Variants in KCNMA1 observed in about 807,000 individuals in gnomAD.
KCNMA1 encodes potassium calcium-activated channel subfamily M alpha 1, also known as Calcium-activated potassium channel subunit alpha-1.
A neutral mutation model predicts 140.0 loss-of-function variants in KCNMA1; 29 were observed. The observed-to-expected ratio is 0.21, with a 90% CI of 0.15 to 0.28. The LOEUF (loss-of-function observed/expected upper bound fraction) is 0.28, where lower values mean the gene tolerates loss of function less well. Ranked by LOEUF, KCNMA1 falls within the 10% of genes least tolerant of loss-of-function variation. The pLI is 1.00. For missense variants in KCNMA1, 880 were observed against 1,602.2 expected, an observed-to-expected ratio of 0.55 and a Z score of 7.70; for synonymous variants, 612 against 611.9, an observed-to-expected ratio of 1.00 and a Z score of 0.00.
chr10:76,981,543 G>A (rs949873561), intron 19 of KCNMA1, among the ~76,000 whole-genome samples: 2 of 151,950 alleles, frequency 1.3e-5, no homozygotes, highest in East Asian at 1.9e-4. Context: ...GGGATTGATC[G>A]GCGTGTGCAG....
intron 1 of KCNMA1, among the ~76,000 whole-genome samples, chr10:77,553,842 T>A (rs1309006658): frequency 3.6e-5 from 5 of 138,568 alleles, no homozygotes; most frequent in Non-Finnish European, 7.7e-5. Context: ...CATTGGCTAG[T>A]AAATGAGTAA....
intron 9 of KCNMA1, among the ~76,000 whole-genome samples, chr10:77,107,337 C>T (rs2097216824): frequency 6.6e-6 from 1 of 152,170 alleles, no homozygotes; most frequent in South Asian, 2.1e-4. Context: ...GTGTCCTGAT[C>T]CGGATGGTAG....
intron 1 of KCNMA1, among the ~76,000 whole-genome samples, chr10:77,604,082 C>T (rs2083561987): frequency 6.6e-6 from 1 of 152,252 alleles, no homozygotes; most frequent in Non-Finnish European, 1.5e-5. Flanking sequence ...TGGCAGCCTT[C>T]TCTTGATTCT....
intron 1 of KCNMA1, among the ~76,000 whole-genome samples, chr10:77,628,496 A>C (rs964886035): frequency 1.3e-5 from 2 of 152,046 alleles, no homozygotes; most frequent in African/African-American, 4.8e-5. Flanking sequence ...TCTCCATTAA[A>C]AATACAAAAA....
At chr10:77,218,114 G>T (rs1422778380) in intron 3 of KCNMA1, among the ~76,000 whole-genome samples, 1 of 152,026 alleles carries the variant, frequency 6.6e-6, no homozygotes, top group Non-Finnish European at 1.5e-5. Context: ...TATCTCCCCT[G>T]GGTAACCAAA....
At chr10:77,207,001 G>T (rs2044361522) in intron 3 of KCNMA1, among the ~76,000 whole-genome samples, 1 of 152,042 alleles carries the variant, frequency 6.6e-6, no homozygotes, top group South Asian at 2.1e-4. Flanking sequence ...TCCAACACAA[G>T]GAGTTCCTTG....
At chr10:76,923,578 A>C (rs1243929056) in intron 23 of KCNMA1, among the ~76,000 whole-genome samples, 3 of 152,202 alleles carry the variant, frequency 2.0e-5, no homozygotes, top group African/African-American at 4.8e-5. Context: ...TTGGAGAGAA[A>C]CCTAATATTC....
At chr10:77,615,259 C>T (rs1045429623) in intron 1 of KCNMA1, among the ~76,000 whole-genome samples, 5 of 152,160 alleles carry the variant, frequency 3.3e-5, no homozygotes, top group Non-Finnish European at 7.3e-5. Flanking sequence ...TTCACCAGGC[C>T]CCAGAGCAGC....
intron 1 of KCNMA1, among the ~76,000 whole-genome samples, chr10:77,504,339 C>G (rs2045027876): frequency 6.6e-6 from 1 of 152,136 alleles, no homozygotes; most frequent in Admixed American, 6.5e-5. Context: ...CACTGCTCTT[C>G]AAGTGTAACC....
chr10:77,275,369 CA>C (rs949996793), intron 2 of KCNMA1, among the ~76,000 whole-genome samples: 31 of 152,190 alleles, frequency 2.0e-4, no homozygotes, highest in Admixed American at 1.6e-3. Context: ...AACAGAACAC[CA>C]AGAGGGGTTC....
chr10:77,628,098 T>C (rs1160895494), intron 1 of KCNMA1, among the ~76,000 whole-genome samples: 3 of 130,592 alleles, frequency 2.3e-5, no homozygotes, highest in African/African-American at 5.8e-5. Flanking sequence ...GAACAAGACA[T>C]GGAACCAGAA....
At chr10:76,967,321 T>A (rs1234546764) in intron 20 of KCNMA1, among the ~76,000 whole-genome samples, 1 of 152,184 alleles carries the variant, frequency 6.6e-6, no homozygotes, top group Non-Finnish European at 1.5e-5. Context: ...TCATGAGGAA[T>A]AGGACCTGAA....
intron 3 of KCNMA1, among the ~76,000 whole-genome samples, chr10:77,204,365 T>A (rs1598658332): frequency 6.6e-6 from 1 of 152,132 alleles, no homozygotes; most frequent in East Asian, 1.9e-4. Context: ...GAGAAGGCTA[T>A]GGGATAGTTA....
At position 77,108,455 on chromosome 10, in the gene KCNMA1, G is replaced by T; in HGVS notation, c.1223+26C>A. The T allele has an allele frequency of 6.2e-7, 1 of 1,605,952 alleles. No individual in the cohort carries two copies. The highest frequency in any genetic ancestry group is 8.5e-7 in the Non-Finnish European group (1 of 1,173,126). ...CAGAGAGGATTCTACCGCAGCAGAG[G>T]CAGCAAAACCTCTTGGCATACTTAC... On this transcript the variant is annotated intron_variant, in intron 9 of 27. Coordinates refer to ENST00000286628, the MANE Select transcript of KCNMA1 (RefSeq NM_001161352.2). This position sits in a 1 kb window ranked among gnomAD's most constrained non-coding sequence, Gnocchi z 4.6.
At chr10:77,401,942 G>A (rs1436607912) in intron 2 of KCNMA1, among the ~76,000 whole-genome samples, 1 of 152,114 alleles carries the variant, frequency 6.6e-6, no homozygotes, top group Non-Finnish European at 1.5e-5. Context: ...ATAGAATCAG[G>A]ATCCTTCCTT....
At chr10:77,039,283 A>G in intron 15 of KCNMA1, 1 of 582,844 alleles carries the variant, frequency 1.7e-6, no homozygotes, top group Non-Finnish European at 3.1e-6. Context: ...ATAAGTTAGC[A>G]TAAATGATGA....
At chr10:77,041,653 G>C (rs974473415) in intron 14 of KCNMA1, among the ~76,000 whole-genome samples, 1 of 152,206 alleles carries the variant, frequency 6.6e-6, no homozygotes, top group Non-Finnish European at 1.5e-5. Context: ...AGAACGTTGA[G>C]CCGCTATGGG....
At chr10:77,451,186 C>A (rs1050943422) in intron 1 of KCNMA1, among the ~76,000 whole-genome samples, 1 of 152,188 alleles carries the variant, frequency 6.6e-6, no homozygotes, top group Non-Finnish European at 1.5e-5. Flanking sequence ...TCAGCTGAAG[C>A]CACAGCCCTC....
intron 15 of KCNMA1, among the ~76,000 whole-genome samples, chr10:77,031,591 T>C (rs1279974143): frequency 1.3e-5 from 2 of 152,240 alleles, no homozygotes; most frequent in Non-Finnish European, 2.9e-5. Flanking sequence ...TCTGTGAGTG[T>C]TCAAATCACA....
Sources: gnomAD v4.1 joint callset for allele counts (sites outside exome capture counted in the v4.1 genomes callset) on GRCh38, gnomAD v4.1.1 for gene constraint, Gnocchi (gnomAD v3.1) non-coding constraint, MANE v1.5 for transcripts, NCBI Gene and HGNC (gene_info 2026-07-23, HGNC 2026-07-21) for gene names.